MYT1L: variants seen among roughly 807,000 people sequenced by gnomAD.
The protein encoded by MYT1L is myelin transcription factor 1-like protein.
MYT1L carries 12 observed loss-of-function variants against 126.7 expected under a neutral mutation model. That is an observed-to-expected ratio of 0.09 (90% CI 0.06 to 0.15). The LOEUF (loss-of-function observed/expected upper bound fraction) is 0.15. Ranked by LOEUF, MYT1L falls within the 10% of genes least tolerant of loss-of-function variation. The probability of loss-of-function intolerance (pLI) is 1.00; values close to 1 mark genes in which losing one functional copy is unlikely to be tolerated. For missense variants in MYT1L, 979 were observed against 1,585.2 expected, an observed-to-expected ratio of 0.62 and a Z score of 6.49; for synonymous variants, 541 against 604.2, an observed-to-expected ratio of 0.90 and a Z score of 1.53.
intron 4 of MYT1L, among the ~76,000 whole-genome samples, chr2:2,048,014 T>G (rs2068397107): frequency 6.6e-6 from 1 of 152,116 alleles, no homozygotes; most frequent in African/African-American, 2.4e-5. Flanking sequence ...GTCCATAAAC[T>G]GTGGAGTGTG....
At chr2:1,997,989 G>A (rs760654566) in intron 4 of MYT1L, among the ~76,000 whole-genome samples, 50 of 152,300 alleles carry the variant, frequency 3.3e-4, no homozygotes, top group Admixed American at 7.8e-4. Flanking sequence ...AGTTAGTCAG[G>A]AGATAATAAT....
At chr2:1,803,832 G>A (rs936244166) in intron 22 of MYT1L, among the ~76,000 whole-genome samples, 2 of 152,174 alleles carry the variant, frequency 1.3e-5, no homozygotes, top group Non-Finnish European at 1.5e-5. Flanking sequence ...GAGCATTCCC[G>A]GCCCATGAGA....
rs573223736 is a variant in MYT1L, at chr2:2,088,382, A to C, written c.-303-34259T>G. Among the ~76,000 whole-genome samples the C allele has an allele frequency of 2.0e-5, 3 of 152,264 alleles. No individual in the cohort carries two copies. In the South Asian group the frequency reaches 6.2e-4, roughly 32 times the overall value. On this transcript the variant is annotated intron_variant, in intron 3 of 24. Transcript: ENST00000647738. ...GGAATTCAGTGAGGATTCCTATCTC[A>C]AGAGACAGTGTTCTATGAGGTGTTT...
chr2:2,283,086 A>G (rs1015873560), intron 2 of MYT1L, among the ~76,000 whole-genome samples: 2 of 152,174 alleles, frequency 1.3e-5, no homozygotes, highest in African/African-American at 4.8e-5. Context: ...CCCAACACAA[A>G]AAGTAGTTCT....
chr2:1,814,568 T>C (rs2037332817), intron 21 of MYT1L, among the ~76,000 whole-genome samples: 1 of 152,202 alleles, frequency 6.6e-6, no homozygotes, highest in African/African-American at 2.4e-5. Context: ...ACTGACATCA[T>C]GTCAGTGATT....
chr2:2,212,676 A>G (rs1256120660), intron 2 of MYT1L, among the ~76,000 whole-genome samples: 1 of 152,104 alleles, frequency 6.6e-6, no homozygotes, highest in Non-Finnish European at 1.5e-5. Context: ...CTTCCCCATC[A>G]TCTATCATTA....
chr2:2,067,977 G>C (rs2150203517), intron 3 of MYT1L, among the ~76,000 whole-genome samples: 1 of 152,180 alleles, frequency 6.6e-6, no homozygotes, highest in Admixed American at 6.5e-5. Context: ...ACTGTCCCCT[G>C]CCGTTTAATT....
chr2:2,311,691 A>C (rs2095973789), intron 1 of MYT1L, among the ~76,000 whole-genome samples: 1 of 152,094 alleles, frequency 6.6e-6, no homozygotes, highest in South Asian at 2.1e-4. Context: ...ACAGATGTAC[A>C]TTGCTGCAAG....
intron 18 of MYT1L, among the ~76,000 whole-genome samples, chr2:1,862,617 T>C (rs2044834863): frequency 6.6e-6 from 1 of 152,208 alleles, no homozygotes; most frequent in Non-Finnish European, 1.5e-5. Flanking sequence ...AAATAAAATG[T>C]ATCTAGACTT....
intron 3 of MYT1L, among the ~76,000 whole-genome samples, chr2:2,061,363 A>G (rs2150154413): frequency 6.6e-6 from 1 of 152,284 alleles, no homozygotes; most frequent in South Asian, 2.1e-4. Context: ...CTGGCAAGCT[A>G]GAGTCCCATT....
chr2:2,033,436 G>T (rs2066624990), intron 4 of MYT1L, among the ~76,000 whole-genome samples: 1 of 151,538 alleles, frequency 6.6e-6, no homozygotes. Context: ...GAGAAGGAGG[G>T]CCTTATACAC....
At position 1,910,681 on chromosome 2, in the gene MYT1L, TG is replaced by T. The variant is rs1268160090; in HGVS notation, c.1710-335del. On this transcript the variant is annotated intron_variant, in intron 12 of 24. Coordinates refer to ENST00000647738, the MANE Select transcript of MYT1L (RefSeq NM_001303052.2). This position sits in a 1 kb window ranked among gnomAD's most constrained non-coding sequence, Gnocchi z 4.8. The stretch of plus-strand genomic sequence containing the variant: ...TGTAGACAGATTCCATTTCTGGAGA[TG>T]AAGAATTAACAGCTTGGGTAGGATG... Among the ~76,000 whole-genome samples the T allele has an allele frequency of 6.6e-6, 1 of 152,104 alleles. No individual in the cohort carries two copies. Among genetic ancestry groups the T allele is most frequent in the Non-Finnish European group, 1.5e-5 (1 of 68,020 alleles).
intron 3 of MYT1L, among the ~76,000 whole-genome samples, chr2:2,078,843 G>T (rs1575025413): frequency 2.0e-5 from 3 of 152,278 alleles, no homozygotes; most frequent in South Asian, 4.2e-4. Context: ...ATTGTATTTT[G>T]CATATGAATT....
chr2:2,038,517 C>A (rs143204138), intron 4 of MYT1L, among the ~76,000 whole-genome samples: 2 of 152,174 alleles, frequency 1.3e-5, no homozygotes, highest in Non-Finnish European at 2.9e-5. Flanking sequence ...TGGCCCAGTT[C>A]GGCTCATCTT....
chr2:1,822,168 T>C (rs1314212219), intron 21 of MYT1L, among the ~76,000 whole-genome samples: 2 of 152,190 alleles, frequency 1.3e-5, no homozygotes, highest in South Asian at 2.1e-4. Context: ...GCCTGAGCCA[T>C]GTGTGCTTGG....
intron 21 of MYT1L, among the ~76,000 whole-genome samples, chr2:1,836,305 C>T (rs920649068): frequency 6.7e-5 from 9 of 134,674 alleles, no homozygotes; most frequent in Admixed American, 3.7e-4. Context: ...CATCAGCCTG[C>T]CCCCCCAAGA....
chr2:2,216,001 C>A (rs550892675), intron 2 of MYT1L, among the ~76,000 whole-genome samples: 12 of 152,082 alleles, frequency 7.9e-5, no homozygotes, highest in African/African-American at 2.7e-4. Flanking sequence ...TCTCCCCCAA[C>A]CTTCTCTCCT....
chr2:1,858,625 T>A (rs1173516558), intron 18 of MYT1L, among the ~76,000 whole-genome samples: 1 of 152,172 alleles, frequency 6.6e-6, no homozygotes, highest in African/African-American at 2.4e-5. Context: ...CCCCCAGGGA[T>A]GCTGGGAAAC....
chr2:1,825,991 T>TG (rs2039270908), intron 21 of MYT1L: 1 of 152,284 alleles, frequency 6.6e-6, no homozygotes, highest in African/African-American at 2.4e-5. Flanking sequence ...GGCCAGGACC[T>TG]GGGGGCCTCA....
Sources: allele counts gnomAD v4.1 joint callset (sites outside exome capture counted in the v4.1 genomes callset), GRCh38; gene constraint gnomAD v4.1.1; non-coding constraint Gnocchi (gnomAD v3.1); transcripts MANE v1.5; gene names NCBI Gene and HGNC (gene_info 2026-07-23, HGNC 2026-07-21).